The following STARD13 variants were observed in gnomAD, a reference collection of about 807,000 sequenced individuals.
STARD13 encodes StAR related lipid transfer domain containing 13.
Under a neutral mutation model 106.4 loss-of-function variants are expected in STARD13, and 62 were observed. The observed-to-expected ratio is 0.58, with a 90% CI of 0.48 to 0.72. STARD13 has a LOEUF of 0.72. Ranked by LOEUF, STARD13 falls within the 30% of genes least tolerant of loss-of-function variation. The probability of loss-of-function intolerance (pLI) is 0.00; values close to 1 mark genes in which losing one functional copy is unlikely to be tolerated. For synonymous variants in STARD13, 565 were observed against 553.0 expected, an observed-to-expected ratio of 1.02 and a Z score of -0.31; for missense variants, 1,387 against 1,424.0, an observed-to-expected ratio of 0.97 and a Z score of 0.42.
chr13:33,126,781 A>T (rs966131), intron 6 of STARD13, among the ~76,000 whole-genome samples: 83,586 of 152,038 alleles, frequency 0.55, 23,941 homozygotes, highest in Non-Finnish European at 0.63. Flanking sequence ...TTGATTTTTT[A>T]AATATGTATA....
At chr13:33,147,847 A>G (rs931311498) in intron 3 of STARD13, among the ~76,000 whole-genome samples, 10 of 152,236 alleles carry the variant, frequency 6.6e-5, no homozygotes, top group Non-Finnish European at 1.0e-4. Flanking sequence ...TAATCATGAT[A>G]GTATGGTACT....
chr13:33,131,623 A>T (rs764853582), intron 4 of STARD13, among the ~76,000 whole-genome samples: 2 of 152,188 alleles, frequency 1.3e-5, no homozygotes, highest in African/African-American at 4.8e-5. Context: ...TCTCTGTTTC[A>T]TTATTCATAT....
the STARD13 span, among the ~76,000 whole-genome samples, chr13:33,508,809 C>T: frequency 6.6e-6 from 1 of 152,168 alleles, no homozygotes; most frequent in Non-Finnish European, 1.5e-5. Flanking sequence ...GCAATTTTGT[C>T]ATTGTGGGGA....
chr13:33,115,585 T>C (rs1482105390), intron 8 of STARD13, among the ~76,000 whole-genome samples: 1 of 152,200 alleles, frequency 6.6e-6, no homozygotes, highest in Admixed American at 6.5e-5. Context: ...TGAGCTGCAA[T>C]GTACTCAGGG....
upstream of STARD13, chr13:33,285,763 AAG>A: frequency 6.7e-7 from 1 of 1,482,356 alleles, no homozygotes; most frequent in South Asian, 1.4e-5. Flanking sequence ...TTTAAAAAGA[AAG>A]AGGAGTGCCA....
At chr13:33,244,011 G>A (rs1201704902) in intron 1 of STARD13, among the ~76,000 whole-genome samples, 3 of 113,352 alleles carry the variant, frequency 2.6e-5, no homozygotes, top group Non-Finnish European at 3.9e-5. Flanking sequence ...TTCAGATTCC[G>A]GCTCTTTTTT....
At chr13:33,569,594 ATCT>A in the STARD13 span, among the ~76,000 whole-genome samples, 4 of 147,532 alleles carry the variant, frequency 2.7e-5, no homozygotes, top group East Asian at 2.0e-4. Flanking sequence ...GCAGAAAGAA[ATCT>A]TCTGCATATA....
chr13:33,645,644 A>C, the STARD13 span, among the ~76,000 whole-genome samples: 3 of 152,152 alleles, frequency 2.0e-5, no homozygotes, highest in African/African-American at 7.2e-5. Context: ...TTGTGTTAGG[A>C]ATTTATTATC....
At chr13:33,453,311 G>A in the STARD13 span, among the ~76,000 whole-genome samples, 3 of 152,096 alleles carry the variant, frequency 2.0e-5, no homozygotes, top group African/African-American at 7.2e-5. Context: ...CTGAATATAC[G>A]CCAATAGAGA....
At chr13:33,540,427 T>C in the STARD13 span, among the ~76,000 whole-genome samples, 3 of 152,242 alleles carry the variant, frequency 2.0e-5, no homozygotes, top group South Asian at 6.2e-4. Flanking sequence ...GATATGGTGA[T>C]AGTTGATAAC....
the STARD13 span, among the ~76,000 whole-genome samples, chr13:33,542,567 C>T: frequency 2.6e-5 from 4 of 152,250 alleles, no homozygotes; most frequent in Admixed American, 2.0e-4. Flanking sequence ...CCGCCCCTCG[C>T]CCTCCCACCA....
At chr13:33,239,575 G>A (rs1304676931) in intron 1 of STARD13, among the ~76,000 whole-genome samples, 2 of 151,990 alleles carry the variant, frequency 1.3e-5, no homozygotes, top group Non-Finnish European at 2.9e-5. Flanking sequence ...TTTTGGTAAT[G>A]ACCACCCCTA....
chr13:33,461,032 T>C, the STARD13 span, among the ~76,000 whole-genome samples: 1 of 152,098 alleles, frequency 6.6e-6, no homozygotes, highest in African/African-American at 2.4e-5. Context: ...TTCTAGAAAA[T>C]GCAAACTAGT....
chr13:33,644,587 G>C, the STARD13 span, among the ~76,000 whole-genome samples: 2 of 152,168 alleles, frequency 1.3e-5, no homozygotes, highest in African/African-American at 2.4e-5. Context: ...AGAGAGAGTT[G>C]AAGAGGCGTC....
At chr13:33,403,575 C>T in the STARD13 span, among the ~76,000 whole-genome samples, 3 of 152,012 alleles carry the variant, frequency 2.0e-5, no homozygotes, top group Non-Finnish European at 4.4e-5. Context: ...TGAAAAGAAA[C>T]GTAATAGGCT....
chr13:33,602,818 T>G, the STARD13 span, among the ~76,000 whole-genome samples: 1 of 152,172 alleles, frequency 6.6e-6, no homozygotes, highest in South Asian at 2.1e-4. Context: ...GATTGTGTGC[T>G]CCTTATGAGA....
chr13:33,135,778 G>A (rs921376783), intron 4 of STARD13, among the ~76,000 whole-genome samples: 1 of 152,106 alleles, frequency 6.6e-6, no homozygotes, highest in African/African-American at 2.4e-5. Flanking sequence ...GAGTAACATT[G>A]TTATCAATCC....
the STARD13 span, among the ~76,000 whole-genome samples, chr13:33,491,038 G>A: frequency 3.9e-5 from 6 of 152,244 alleles, no homozygotes; most frequent in Non-Finnish European, 1.5e-5. Context: ...AGTCAGGGAA[G>A]TCTCCCGTTT....
intron 1 of STARD13, among the ~76,000 whole-genome samples, chr13:33,185,626 C>T (rs116852225): frequency 0.014 from 2,152 of 152,292 alleles, 20 homozygotes; most frequent in Middle Eastern, 0.048. Context: ...TTCCTAAAAT[C>T]GACCCTCCAA....
Sources: gnomAD v4.1 joint callset for allele counts (sites outside exome capture counted in the v4.1 genomes callset) on GRCh38, gnomAD v4.1.1 for gene constraint, MANE v1.5 for transcripts, NCBI Gene and HGNC (gene_info 2026-07-23, HGNC 2026-07-21) for gene names.